Variants in METTL15 observed in about 807,000 individuals in gnomAD.
METTL15 encodes 12S rRNA N(4)-cytidine methyltransferase METTL15.
A neutral mutation model predicts 38.3 loss-of-function variants in METTL15; 34 were observed. The ratio of observed to expected loss-of-function variants is 0.89; its 90% CI spans 0.68 to 1.18. The LOEUF (loss-of-function observed/expected upper bound fraction) is 1.18. METTL15 is among the 50% of genes most tolerant of loss of function. The pLI is 0.00. For missense variants in METTL15, 438 were observed against 498.4 expected (o/e 0.88, Z 1.15); for synonymous variants, 162 against 170.9 (o/e 0.95, Z 0.41).
chr11:28,157,196 T>C (rs1221745350), intron 3 of METTL15, among the ~76,000 whole-genome samples: 1 of 152,180 alleles, frequency 6.6e-6, no homozygotes, highest in Non-Finnish European at 1.5e-5. Context: ...AGAGGCACAA[T>C]GCTTTGTAGA....
chr11:28,179,178 C>T (rs1011254123), intron 3 of METTL15, among the ~76,000 whole-genome samples: 2 of 151,842 alleles, frequency 1.3e-5, no homozygotes, highest in African/African-American at 2.4e-5. Context: ...AGTTCAGTTG[C>T]GTTTAATATC....
intron 3 of METTL15, among the ~76,000 whole-genome samples, chr11:28,124,837 G>T (rs753468361): frequency 6.6e-6 from 1 of 152,012 alleles, no homozygotes; most frequent in Admixed American, 6.6e-5. Context: ...TATTTTAAAT[G>T]ACCTATATAA....
At chr11:28,512,045 A>T (rs1369384046) in intron 6 of METTL15, among the ~76,000 whole-genome samples, 3 of 151,708 alleles carry the variant, frequency 2.0e-5, no homozygotes, top group African/African-American at 7.3e-5. Flanking sequence ...ACAAACCCTG[A>T]GCTAGACACA....
At chr11:28,307,748 A>C (rs149602346) in intron 6 of METTL15, among the ~76,000 whole-genome samples, 1 of 152,124 alleles carries the variant, frequency 6.6e-6, no homozygotes, top group Non-Finnish European at 1.5e-5. Flanking sequence ...TTCTAAGTCT[A>C]CTTTGTGCTG....
At chr11:28,256,622 T>C (rs1854982349) in intron 4 of METTL15, among the ~76,000 whole-genome samples, 1 of 152,144 alleles carries the variant, frequency 6.6e-6, no homozygotes, top group African/African-American at 2.4e-5. Flanking sequence ...TGAAGATTTG[T>C]CTATTTATGT....
At position 28,306,865 on chromosome 11, in the gene METTL15, A is replaced by G. The variant is rs369912360; in HGVS notation, c.778+9934A>G. ...TAAGCTTTGTTACTAAAAATGAAGA[A>G]TAATACTTCCAAATTTTTATATATT... On this transcript the variant is annotated intron_variant, in intron 6 of 6. Coordinates refer to ENST00000407364, the MANE Select transcript of METTL15 (RefSeq NM_001113528.2). 6.0e-4 allele frequency among the ~76,000 whole-genome samples: 91 copies of G among 152,120 alleles called. No individual in the cohort carries two copies. In the South Asian group the frequency reaches 0.018, roughly 31 times the overall value.
At chr11:28,527,139 T>C (rs1851817680), downstream of METTL15, 1 of 152,242 alleles carries the variant, frequency 6.6e-6, no homozygotes, top group Non-Finnish European at 1.5e-5. Context: ...TCACCCAGAA[T>C]ATGGCTGGTG....
chr11:28,259,298 A>T (rs568570971), intron 4 of METTL15, among the ~76,000 whole-genome samples: 28 of 152,096 alleles, frequency 1.8e-4, no homozygotes, highest in African/African-American at 6.5e-4. Flanking sequence ...CTCAAGCAGA[A>T]GGGACAGGTC....
chr11:28,219,810 A>C lies in METTL15; in HGVS notation c.407+8612A>C, dbSNP rs918240362. Among the ~76,000 whole-genome samples, 9 of 152,032 alleles carry C rather than the reference A, an allele frequency of 5.9e-5. No individual in the cohort carries two copies. The South Asian group carries it at 8.3e-4, about 14-fold the overall frequency. On this transcript the variant is annotated intron_variant, in intron 4 of 6. Transcript: ENST00000407364. ...AACATCTTTATTTCTGCCTTCATTT[A>C]GTTATGTACCCAGTAGTCATTCAGG... is the stretch of plus-strand genomic sequence containing the variant.
At chr11:28,142,074 T>C (rs1021844586) in intron 3 of METTL15, among the ~76,000 whole-genome samples, 16 of 152,174 alleles carry the variant, frequency 1.1e-4, no homozygotes, top group African/African-American at 1.7e-4. Context: ...TTTACTGTTA[T>C]GGGAAAAAGC....
At chr11:28,497,846 G>A (rs569600502) in intron 6 of METTL15, among the ~76,000 whole-genome samples, 2 of 152,170 alleles carry the variant, frequency 1.3e-5, no homozygotes, top group African/African-American at 2.4e-5. Context: ...ATCTCTTGAG[G>A]CCAGGAGATC....
At chr11:28,267,576 G>C (rs1481207589) in intron 4 of METTL15, among the ~76,000 whole-genome samples, 5 of 152,162 alleles carry the variant, frequency 3.3e-5, no homozygotes, top group Admixed American at 2.0e-4. Flanking sequence ...TAGAATATCA[G>C]CTCCATGAGG....
At chr11:28,420,647 A>T (rs987434092) in intron 5 of METTL15, among the ~76,000 whole-genome samples, 1 of 152,158 alleles carries the variant, frequency 6.6e-6, no homozygotes, top group Non-Finnish European at 1.5e-5. Context: ...TTAATAAGAA[A>T]ACTGAAAATT....
intron 6 of METTL15, chr11:28,517,195 T>C (rs933179924): frequency 1.3e-5 from 2 of 152,046 alleles, no homozygotes; most frequent in African/African-American, 4.8e-5. Flanking sequence ...GAAGCCAAGC[T>C]TGAAATCAGA....
chr11:28,304,336 C>T (rs373726920), intron 6 of METTL15, among the ~76,000 whole-genome samples: 7 of 152,154 alleles, frequency 4.6e-5, no homozygotes, highest in African/African-American at 1.7e-4. Flanking sequence ...ATCAATGGCT[C>T]ATGCCTCAAC....
chr11:28,217,692 G>A (rs900406954), intron 4 of METTL15, among the ~76,000 whole-genome samples: 4 of 152,112 alleles, frequency 2.6e-5, no homozygotes, highest in African/African-American at 4.8e-5. Context: ...ATGGTTTTAG[G>A]TCTACCATTT....
At chr11:28,227,091 C>G (rs1853510266) in intron 4 of METTL15, among the ~76,000 whole-genome samples, 1 of 151,822 alleles carries the variant, frequency 6.6e-6, no homozygotes, top group South Asian at 2.1e-4. Context: ...GCCTTGTAAG[C>G]TGAAGCTGTT....
At chr11:28,346,976 G>A (rs1188172818) in intron 3 of METTL15, among the ~76,000 whole-genome samples, 1 of 152,228 alleles carries the variant, frequency 6.6e-6, no homozygotes, top group Non-Finnish European at 1.5e-5. Context: ...ATTGACAAAT[G>A]TAGTCATGGC....
At chr11:28,182,786 C>T (rs535064566) in intron 3 of METTL15, among the ~76,000 whole-genome samples, 10 of 151,742 alleles carry the variant, frequency 6.6e-5, no homozygotes, top group South Asian at 2.1e-4. Flanking sequence ...TTTCCAATTC[C>T]GTGAAGAAAG....
Sources: gnomAD v4.1 joint callset for allele counts (sites outside exome capture counted in the v4.1 genomes callset) on GRCh38, gnomAD v4.1.1 for gene constraint, MANE v1.5 for transcripts, NCBI Gene and HGNC (gene_info 2026-07-23, HGNC 2026-07-21) for gene names.